RTN4: variants seen among roughly 807,000 people sequenced by gnomAD.
RTN4 encodes the protein reticulon 4.
In RTN4, 32 loss-of-function variants were observed where a neutral mutation model predicts 90.4. The observed-to-expected ratio is 0.35, with a 90% CI of 0.27 to 0.48. The LOEUF (loss-of-function observed/expected upper bound fraction) is 0.48, where lower values mean the gene tolerates loss of function less well. RTN4 is among the 20% of genes least tolerant of loss of function. The pLI is 0.99. For missense variants in RTN4, 1,706 were observed against 1,430.2 expected, an observed-to-expected ratio of 1.19 and a Z score of -3.11; for synonymous variants, 629 against 552.5, an observed-to-expected ratio of 1.14 and a Z score of -1.94.
intron 2 of RTN4, among the ~76,000 whole-genome samples, chr2:55,072,189 C>T (rs1394024778): frequency 6.6e-6 from 1 of 150,612 alleles, no homozygotes; most frequent in Non-Finnish European, 1.5e-5. Context: ...CTGGAGTAAA[C>T]AGAGTCAAAG....
At chr2:55,067,821 G>A (rs1461622911) in intron 2 of RTN4, among the ~76,000 whole-genome samples, 1 of 152,058 alleles carries the variant, frequency 6.6e-6, no homozygotes. Flanking sequence ...TATTTACTGT[G>A]CTATAAGTTA....
intron 1 of RTN4, among the ~76,000 whole-genome samples, chr2:55,088,171 C>T (rs2105040709): frequency 6.6e-6 from 1 of 152,346 alleles, no homozygotes; most frequent in East Asian, 1.9e-4. Flanking sequence ...AGGACATGGG[C>T]TGCTGGATGG....
At chr2:55,057,136 T>C (rs1251667829) in intron 2 of RTN4, among the ~76,000 whole-genome samples, 1 of 152,224 alleles carries the variant, frequency 6.6e-6, no homozygotes, top group Non-Finnish European at 1.5e-5. Flanking sequence ...TACATTTACA[T>C]TGCTCTCCTA....
rs113902898 is a variant in RTN4, at chr2:54,976,316, C to T, written c.3361-1552G>A. 1.9e-3 allele frequency among the ~76,000 whole-genome samples: 289 copies of T among 152,312 alleles called. 2 individuals are homozygous for T. The highest frequency in any genetic ancestry group is 6.5e-3 in the African/African-American group (269 of 41,574). On this transcript the variant is annotated intron_variant, in intron 5 of 8. Transcript: ENST00000337526. ...TGAGCCACTGTAGGGGCTCAAATGT[C>T]ACTTGCCTCTTTGAGAACACTTCCT...
intron 2 of RTN4, among the ~76,000 whole-genome samples, chr2:55,078,461 T>C (rs947158109): frequency 1.3e-5 from 2 of 152,236 alleles, no homozygotes; most frequent in African/African-American, 4.8e-5. Flanking sequence ...GATATTCCAG[T>C]TCTTCTTCTA....
chr2:55,076,434 CT>C (rs1668602248), intron 2 of RTN4, among the ~76,000 whole-genome samples: 1 of 112,468 alleles, frequency 8.9e-6, no homozygotes, highest in Non-Finnish European at 1.6e-5. Flanking sequence ...GACTCTCACT[CT>C]GTCGCCCAGG....
chr2:55,017,699 A>G (rs932760452), intron 3 of RTN4, among the ~76,000 whole-genome samples: 2 of 152,178 alleles, frequency 1.3e-5, no homozygotes, highest in Non-Finnish European at 1.5e-5. Context: ...TACCAACATA[A>G]ACAGATGATA....
chr2:55,119,887 G>A, the RTN4 span, among the ~76,000 whole-genome samples: 1 of 152,210 alleles, frequency 6.6e-6, no homozygotes. Context: ...CCATTGACCA[G>A]CTGGCTTCTC....
At chr2:55,055,489 C>T (rs185999370), upstream of RTN4, among the ~76,000 whole-genome samples, 42 of 152,178 alleles carry the variant, frequency 2.8e-4, no homozygotes, top group Admixed American at 2.2e-3. Context: ...TGACCTTGGC[C>T]GGGCGCGGTG....
the RTN4 span, among the ~76,000 whole-genome samples, chr2:55,129,916 G>T: frequency 3.3e-5 from 5 of 152,148 alleles, no homozygotes; most frequent in African/African-American, 4.8e-5. Context: ...GACTAAAAAT[G>T]CCCAGCACTG....
chr2:55,065,515 TA>T (rs530373145), intron 2 of RTN4, among the ~76,000 whole-genome samples: 214 of 150,878 alleles, frequency 1.4e-3, no homozygotes, highest in Middle Eastern at 3.4e-3. Flanking sequence ...ACTTATAAAA[TA>T]AAAAAAAAAT....
At chr2:55,111,237 G>GA (rs905564450) in intron 1 of RTN4, among the ~76,000 whole-genome samples, 74 of 147,778 alleles carry the variant, frequency 5.0e-4, no homozygotes, top group African/African-American at 7.9e-4. Flanking sequence ...ATACTTGCAT[G>GA]AAAAAAAAAA....
Position 55,025,657 on chromosome 2 carries a change from C to A in RTN4, c.2442G>T (p.Leu814=). ...KLSLDNTKDT[L]LPDEVSTLSK... ...TCAATGTTGAAACTTCATCAGGTAACAGGGTATCTTTTGTGTTATCTAAAC... is the reference window on the plus strand; with the variant it reads ...TCAATGTTGAAACTTCATCAGGTAAAAGGGTATCTTTTGTGTTATCTAAAC... The change falls in exon 3 of 9, where the codon CTG becomes CTT. Residue 814 remains leucine, a synonymous_variant. Transcript: ENST00000337526. The A allele has an allele frequency of 1.9e-6, 3 of 1,613,786 alleles. No individual in the cohort carries two copies. Among genetic ancestry groups the A allele is most frequent in the Non-Finnish European group, 2.5e-6 (3 of 1,179,810 alleles).
At chr2:55,027,613 A>G in intron 2 of RTN4, 128 bp from the exon 3 acceptor site, 1 of 890,126 alleles carries the variant, frequency 1.1e-6, no homozygotes, top group East Asian at 2.6e-5. Flanking sequence ...GTTAATAGCA[A>G]TTAATAAGTA....
At chr2:55,008,176 C>CACACACACACA (rs1553438392) in intron 3 of RTN4, among the ~76,000 whole-genome samples, 1 of 149,570 alleles carries the variant, frequency 6.7e-6, no homozygotes, top group Admixed American at 6.7e-5. Context: ...CACACACACA[C>CACACACACACA]CACCTTTTAA....
At chr2:54,977,152 GTTCTGACCA>G (rs1327439925) in intron 5 of RTN4, among the ~76,000 whole-genome samples, 8 of 152,210 alleles carry the variant, frequency 5.3e-5, no homozygotes, top group African/African-American at 1.9e-4. Context: ...TACTCTGGCA[GTTCTGACCA>G]TTTCAAAACT....
intron 2 of RTN4, among the ~76,000 whole-genome samples, chr2:55,072,614 GATA>G (rs1009340607): frequency 6.6e-6 from 1 of 152,114 alleles, no homozygotes; most frequent in Middle Eastern, 3.2e-3. Context: ...TTTCACTTTT[GATA>G]ATAATTTTTT....
intron 2 of RTN4, among the ~76,000 whole-genome samples, chr2:55,071,281 G>GT (rs1324535011): frequency 6.6e-6 from 1 of 151,698 alleles, no homozygotes; most frequent in Non-Finnish European, 1.5e-5. Context: ...TTAACTCTTT[G>GT]TGTCTCAGTT....
At chr2:55,127,916 C>CT in the RTN4 span, among the ~76,000 whole-genome samples, 169 of 145,054 alleles carry the variant, frequency 1.2e-3, 1 homozygote, top group East Asian at 3.0e-3. Context: ...TCTGTGATGG[C>CT]TTTTTTTTTT....
Sources: gnomAD v4.1 joint callset for allele counts (sites outside exome capture counted in the v4.1 genomes callset) on GRCh38, gnomAD v4.1.1 for gene constraint, MANE v1.5 for transcripts, NCBI Gene and HGNC (gene_info 2026-07-23, HGNC 2026-07-21) for gene names.